ATRNL1: variants seen among roughly 807,000 people sequenced by gnomAD.
ATRNL1 encodes the protein attractin-like protein 1.
In ATRNL1, 95 loss-of-function variants were observed where a neutral mutation model predicts 182.7. The observed-to-expected ratio is 0.52, with a 90% CI of 0.44 to 0.62. ATRNL1 has a LOEUF of 0.62. Among genes scored for constraint, ATRNL1 ranks in the 20% least tolerant of loss-of-function variants. ATRNL1 has a pLI of 0.00. For missense variants in ATRNL1, 1,471 were observed against 1,679.5 expected, an observed-to-expected ratio of 0.88 and a Z score of 2.17; for synonymous variants, 576 against 568.3, an observed-to-expected ratio of 1.01 and a Z score of -0.19.
intron 26 of ATRNL1, among the ~76,000 whole-genome samples, chr10:115,697,047 C>T (rs1946587504): frequency 6.6e-6 from 1 of 152,112 alleles, no homozygotes; most frequent in African/African-American, 2.4e-5. Context: ...GTGGGGATTA[C>T]AATTTGAGAT....
At chr10:115,180,856 A>G (rs1035123406) in intron 8 of ATRNL1, among the ~76,000 whole-genome samples, 9 of 151,968 alleles carry the variant, frequency 5.9e-5, no homozygotes, top group Non-Finnish European at 1.3e-4. Context: ...AGAGGTTTGC[A>G]GATGTTTTTT....
chr10:115,167,217 GTT>G (rs58750549), intron 7 of ATRNL1, among the ~76,000 whole-genome samples: 1 of 149,024 alleles, frequency 6.7e-6, no homozygotes, highest in African/African-American at 2.5e-5. Flanking sequence ...GTATATGAGG[GTT>G]TTTTTTTTCT....
chr10:115,111,737 A>C (rs1261258428), intron 1 of ATRNL1, among the ~76,000 whole-genome samples: 2 of 152,230 alleles, frequency 1.3e-5, no homozygotes, highest in Non-Finnish European at 2.9e-5. Flanking sequence ...GAGGAGTCAT[A>C]TATTCAAACC....
chr10:115,121,866 T>A (rs1336893517), intron 3 of ATRNL1, 54 bp downstream of exon 3: 8 of 802,684 alleles, frequency 1.0e-5, no homozygotes, highest in Non-Finnish European at 1.6e-5. Context: ...ATTGCTTCTT[T>A]AAATATATAT....
intron 5 of ATRNL1, among the ~76,000 whole-genome samples, chr10:115,132,318 T>A (rs2143733274): frequency 6.6e-6 from 1 of 152,310 alleles, no homozygotes; most frequent in African/African-American, 2.4e-5. Flanking sequence ...ATTTTCTTAA[T>A]CCAGTCTATC....
intron 26 of ATRNL1, among the ~76,000 whole-genome samples, chr10:115,566,115 A>G (rs1854062009): frequency 6.6e-6 from 1 of 151,718 alleles, no homozygotes. Context: ...TTTTATTATT[A>G]TTGGAGATGG....
At chr10:115,468,814 G>T (rs1410766665) in intron 23 of ATRNL1, among the ~76,000 whole-genome samples, 1 of 150,628 alleles carries the variant, frequency 6.6e-6, no homozygotes, top group Non-Finnish European at 1.5e-5. Flanking sequence ...AGTTCCAACT[G>T]CTTAGTAGCT....
chr10:115,110,784 C>T (rs1844224447), intron 1 of ATRNL1, among the ~76,000 whole-genome samples: 1 of 152,100 alleles, frequency 6.6e-6, no homozygotes, highest in Non-Finnish European at 1.5e-5. Flanking sequence ...ACATGATGGT[C>T]AATTGAGTTT....
At chr10:115,831,176 C>T (rs904614245) in intron 27 of ATRNL1, among the ~76,000 whole-genome samples, 10 of 152,240 alleles carry the variant, frequency 6.6e-5, no homozygotes, top group Non-Finnish European at 1.3e-4. Flanking sequence ...GGTTTGCTTC[C>T]CTTTTCCCTA....
At chr10:115,184,104 T>C (rs1195161411) in intron 8 of ATRNL1, among the ~76,000 whole-genome samples, 1 of 151,426 alleles carries the variant, frequency 6.6e-6, no homozygotes, top group Non-Finnish European at 1.5e-5. Context: ...AGGATGACTA[T>C]TATGAAATAT....
chr10:115,212,320 G>T (rs1186314934), intron 8 of ATRNL1, among the ~76,000 whole-genome samples: 1 of 148,002 alleles, frequency 6.8e-6, no homozygotes, highest in African/African-American at 2.5e-5. Context: ...TTTTTGCTGA[G>T]ATATTTTTGT....
intron 24 of ATRNL1, among the ~76,000 whole-genome samples, chr10:115,508,110 T>A (rs1027563080): frequency 4.6e-5 from 7 of 152,152 alleles, no homozygotes; most frequent in Admixed American, 2.0e-4. Context: ...TGGTTATTTT[T>A]AAAATATTTT....
chr10:115,350,551 T>C (rs1856199835), intron 19 of ATRNL1, among the ~76,000 whole-genome samples: 2 of 152,104 alleles, frequency 1.3e-5, no homozygotes, highest in Non-Finnish European at 2.9e-5. Context: ...CCAGTGTATG[T>C]TCTTGGCACC....
rs1428840749 is a variant in ATRNL1 at position 115,416,915 on chromosome 10, C to G, written c.3270-9335C>G. Among the ~76,000 whole-genome samples the G allele has an allele frequency of 2.0e-5, 3 of 152,238 alleles. No homozygotes were observed. The East Asian group carries it at 5.8e-4, about 29-fold the overall frequency. ...AACACTTGAGGGAGAGTGATACCAG[C>G]AAGATGGCAGAATAGGAGATAACCT... On this transcript the variant is annotated intron_variant, in intron 20 of 28. Coordinates refer to ENST00000355044, the MANE Select transcript of ATRNL1 (RefSeq NM_207303.4).
rs146739181 is a variant in ATRNL1 at position 115,798,698 on chromosome 10, A to G, written c.3904-49179A>G. ...ACTTTTCATTCCAATTTCAACTCCA[A>G]TGGAGTTCTTCTTGAAATGTTTCTT... On this transcript the variant is annotated intron_variant, in intron 27 of 28. Coordinates refer to ENST00000355044, the MANE Select transcript of ATRNL1 (RefSeq NM_207303.4). Among the ~76,000 whole-genome samples, 772 of 152,278 alleles carry G rather than the reference A, an allele frequency of 5.1e-3. 6 individuals are homozygous for G. Among genetic ancestry groups the G allele is most frequent in the African/African-American group, 0.013 (546 of 41,556 alleles).
At chr10:115,691,207 C>T in intron 26 of ATRNL1, among the ~76,000 whole-genome samples, 1 of 152,236 alleles carries the variant, frequency 6.6e-6, no homozygotes, top group East Asian at 1.9e-4. Flanking sequence ...ATAGTGTTTT[C>T]CATCGTGCCT....
intron 28 of ATRNL1, among the ~76,000 whole-genome samples, chr10:115,896,416 T>A (rs567980870): frequency 6.6e-6 from 1 of 151,864 alleles, no homozygotes; most frequent in South Asian, 2.1e-4. Context: ...TAAATAGTTA[T>A]CCTTTTATTA....
At chr10:115,663,864 C>T (rs993708273) in intron 26 of ATRNL1, among the ~76,000 whole-genome samples, 1 of 151,654 alleles carries the variant, frequency 6.6e-6, no homozygotes, top group African/African-American at 2.4e-5. Flanking sequence ...AGCACAGTGG[C>T]CCCATGAATC....
intron 18 of ATRNL1, among the ~76,000 whole-genome samples, chr10:115,326,563 C>T (rs1286303377): frequency 2.3e-4 from 35 of 152,158 alleles, no homozygotes; most frequent in Admixed American, 2.1e-3. Flanking sequence ...TTACTTTCTT[C>T]ACAGAATTGG....
Sources: gnomAD v4.1 joint callset for allele counts (sites outside exome capture counted in the v4.1 genomes callset) on GRCh38, gnomAD v4.1.1 for gene constraint, MANE v1.5 for transcripts, NCBI Gene and HGNC (gene_info 2026-07-23, HGNC 2026-07-21) for gene names.